The following FHAD1 variants were observed in gnomAD, a reference collection of about 807,000 sequenced individuals.
FHAD1 encodes the protein forkhead associated phosphopeptide binding domain 1.
In FHAD1, 146 loss-of-function variants were observed where a neutral mutation model predicts 191.3. The ratio of observed to expected loss-of-function variants is 0.76; its 90% CI spans 0.67 to 0.88. The LOEUF (loss-of-function observed/expected upper bound fraction) is 0.88, where lower values mean the gene tolerates loss of function less well. Among genes scored for constraint, FHAD1 ranks in the 40% least tolerant of loss-of-function variants. The pLI, the probability that FHAD1 is intolerant of heterozygous loss-of-function variation, is 0.00. For synonymous variants in FHAD1, 616 were observed against 672.3 expected, an observed-to-expected ratio of 0.92 and a Z score of 1.29; for missense variants, 1,635 against 1,785.8, an observed-to-expected ratio of 0.92 and a Z score of 1.52.
rs1264465237 is a variant in FHAD1, at chr1:15,289,588, A to G, written c.490A>G (p.Arg164Gly). Reference sequence around the variant, plus strand: ...CACCGTGGTCCTGCCGGCCTCCCACAGGCGGCCTGTGAGCGCCAACAAGGA... The same window carrying G: ...CACCGTGGTCCTGCCGGCCTCCCACGGGCGGCCTGTGAGCGCCAACAAGGA... Reference protein sequence around the residue: ...RPTVVLPASHRRPVSANKEMF... With the variant: ...RPTVVLPASHGRPVSANKEMF... Residue 164 changes from arginine to glycine, a missense_variant, in exon 4 of 34, where the codon AGG becomes GGG. Physicochemically the swap from Arg to Gly is moderately radical, Grantham distance 125. Coordinates refer to ENST00000688493, the MANE Select transcript of FHAD1 (RefSeq NM_001391957.1). This position sits in a 1 kb window ranked among gnomAD's most constrained non-coding sequence, Gnocchi z 4.2. 1.3e-6 allele frequency: 2 copies of G among 1,551,700 alleles called. No homozygotes were observed. Among genetic ancestry groups the G allele is most frequent in the East Asian group, 2.4e-5 (1 of 40,898 alleles).
At chr1:15,280,979 T>C (rs559521586) in intron 3 of FHAD1, among the ~76,000 whole-genome samples, 1 of 152,360 alleles carries the variant, frequency 6.6e-6, no homozygotes, top group South Asian at 2.1e-4. Flanking sequence ...TTCTTTAAGT[T>C]CTAAAACGTG....
intron 16 of FHAD1, among the ~76,000 whole-genome samples, chr1:15,343,487 C>T (rs1229836159): frequency 8.5e-5 from 13 of 152,050 alleles, no homozygotes; most frequent in Non-Finnish European, 1.9e-4. Flanking sequence ...CTACCACACA[C>T]ACCTGCCCTC....
intron 3 of FHAD1, among the ~76,000 whole-genome samples, chr1:15,286,615 C>G (rs1662524557): frequency 6.6e-6 from 1 of 152,350 alleles, no homozygotes; most frequent in East Asian, 1.9e-4. Context: ...ATTCTGGTGT[C>G]CAGCCTAGTC....
At position 15,352,984 on chromosome 1, in the gene FHAD1, G is replaced by A; in HGVS notation, c.2562G>A (p.Glu854=). 3 of 1,549,340 alleles carry A rather than the reference G, an allele frequency of 1.9e-6. No individual in the cohort carries two copies. Among genetic ancestry groups the A allele is most frequent in the Non-Finnish European group, 2.6e-6 (3 of 1,145,178 alleles). The change falls in exon 20 of 34, where the codon GAG becomes GAA. Residue 854 remains glutamate, a splice_region_variant and synonymous_variant. Coordinates refer to ENST00000688493, the MANE Select transcript of FHAD1 (RefSeq NM_001391957.1). The part of the protein sequence containing the change: ...DLENRLTKQK[E]ELELKEQKED... Reference sequence around the variant, plus strand: ...AGAATCGCTTAACCAAGCAGAAAGAGGTATGAGCCGCAGGGAGGGAGAGAC... The same window carrying A: ...AGAATCGCTTAACCAAGCAGAAAGAAGTATGAGCCGCAGGGAGGGAGAGAC...
chr1:15,354,364 C>T (rs1014229487), intron 20 of FHAD1, among the ~76,000 whole-genome samples: 1 of 152,120 alleles, frequency 6.6e-6, no homozygotes, highest in Non-Finnish European at 1.5e-5. Context: ...GCACGTCAGC[C>T]CTGGACACCA....
At chr1:15,252,088 TGATGC>T (rs1646851088) in intron 2 of FHAD1, among the ~76,000 whole-genome samples, 1 of 152,216 alleles carries the variant, frequency 6.6e-6, no homozygotes, top group African/African-American at 2.4e-5. Context: ...GTACAGAGCA[TGATGC>T]GCTCCCATCC....
At chr1:15,240,138 A>G (rs541731307) in intron 1 of FHAD1, among the ~76,000 whole-genome samples, 2 of 152,298 alleles carry the variant, frequency 1.3e-5, no homozygotes, top group Admixed American at 1.3e-4. Flanking sequence ...CCATCTCTCT[A>G]TTGAGAGTCT....
In FHAD1 at chr1:15,327,383, C is replaced by T. The variant is rs540120241; in HGVS notation, c.1557+241C>T. ...AATCAAATTAAACCATTCGGGCTTA[C>T]TTCTGGTCTCCAGACATGCATGTTT... On this transcript the variant is annotated intron_variant, in intron 12 of 33. Transcript: ENST00000688493. The surrounding 1 kb of genome is among the most constrained non-coding windows in gnomAD (Gnocchi z 5.1). The T allele has an allele frequency of 1.9e-4, 84 of 445,754 alleles. 1 individual carries two copies. The highest frequency in any genetic ancestry group is 1.4e-3 in the African/African-American group (72 of 49,702). 27.6% of individuals were successfully genotyped at this position (445,754 alleles called of 1,614,324 possible).
chr1:15,342,124 G>C (rs1412320856), intron 16 of FHAD1, among the ~76,000 whole-genome samples: 1 of 152,178 alleles, frequency 6.6e-6, no homozygotes, highest in Non-Finnish European at 1.5e-5. Flanking sequence ...TCAGGAAACG[G>C]TGCCTTGTTT....
chr1:15,389,447 C>CAAAAAAAAAAAAAAAAAAAAAA lies in FHAD1; in HGVS notation c.4269+1337_4269+1338insAAAAAAAAAAAAAAAAAAAAAA, dbSNP rs570569622. Among the ~76,000 whole-genome samples the CAAAAAAAAAAAAAAAAAAAAAA allele has an allele frequency of 2.0e-3, 108 of 54,194 alleles. 5 individuals carry two copies. Among genetic ancestry groups the CAAAAAAAAAAAAAAAAAAAAAA allele is most frequent in the Middle Eastern group, 0.013 (1 of 78 alleles). The allele number at this position is 54,194 out of a possible 152,430, so 35.6% of individuals were successfully genotyped here. On this transcript the variant is annotated intron_variant, in intron 32 of 33. Transcript: ENST00000688493. ...TGAGCAACAGAGGAAGAACCTGTCT[C>CAAAAAAAAAAAAAAAAAAAAAA]AAAAAAAAAAAAAAAAAAAAACCTG...
intron 24 of FHAD1, 120 bp downstream of exon 24, chr1:15,366,053 C>G (rs1696334329): frequency 3.1e-6 from 2 of 641,358 alleles, no homozygotes; most frequent in Non-Finnish European, 2.7e-6. Flanking sequence ...TTTGGGAGGC[C>G]AAGGCAGTTG....
chr1:15,295,699 C>T (rs1666719237), intron 4 of FHAD1, among the ~76,000 whole-genome samples: 1 of 152,164 alleles, frequency 6.6e-6, no homozygotes. Flanking sequence ...GTTGACTCCA[C>T]AAATGTGGAA....
At chr1:15,317,760 T>C (rs1323271729) in intron 9 of FHAD1, 64 bp from the exon 10 acceptor site, 1 of 1,154,894 alleles carries the variant, frequency 8.7e-7, no homozygotes, top group African/African-American at 1.5e-5. Flanking sequence ...GGCTCAGACC[T>C]CTCAGCCAAG....
At chr1:15,288,067 AG>A (rs1355193196) in intron 3 of FHAD1, among the ~76,000 whole-genome samples, 1 of 152,140 alleles carries the variant, frequency 6.6e-6, no homozygotes, top group African/African-American at 2.4e-5. Flanking sequence ...TGGGAGACAG[AG>A]GAGGGGAAAG....
At chr1:15,394,047 A>C (rs1490680361) in intron 33 of FHAD1, among the ~76,000 whole-genome samples, 1 of 152,152 alleles carries the variant, frequency 6.6e-6, no homozygotes, top group African/African-American at 2.4e-5. Flanking sequence ...GGGTGTGGCT[A>C]TTTAAATGAC....
At chr1:15,368,666 C>G (rs1454189518) in intron 25 of FHAD1, among the ~76,000 whole-genome samples, 2 of 152,136 alleles carry the variant, frequency 1.3e-5, no homozygotes, top group African/African-American at 4.8e-5. Context: ...TAGACCAGGC[C>G]CAGTGGCTCA....
At chr1:15,335,660 G>A (rs756085415) in intron 14 of FHAD1, among the ~76,000 whole-genome samples, 2 of 152,184 alleles carry the variant, frequency 1.3e-5, no homozygotes, top group Non-Finnish European at 2.9e-5. Context: ...ACATGAAGAC[G>A]CAGTGGCAAA....
intron 10 of FHAD1, among the ~76,000 whole-genome samples, chr1:15,323,490 T>C (rs1490187727): frequency 6.6e-6 from 1 of 152,226 alleles, no homozygotes; most frequent in Non-Finnish European, 1.5e-5. Flanking sequence ...GGCTGCACCC[T>C]GCCACTCAGA....
rs1020299124 is a variant in FHAD1 at position 15,316,308 on chromosome 1, G to GCCCCT, written c.1171-67_1171-63dup. The GCCCCT allele has an allele frequency of 2.4e-6, 3 of 1,256,436 alleles. No homozygotes were observed. The highest frequency in any genetic ancestry group is 3.4e-6 in the Non-Finnish European group (3 of 882,936). The allele number at this position is 1,256,436 out of a possible 1,614,324, so 77.8% of individuals were successfully genotyped here. ...TCAGGGGCTCACATGGGGCCTTGGAGCCCCTCCTTCCCCCGACAACCCTAC... is the reference window on the plus strand; with the variant it reads ...TCAGGGGCTCACATGGGGCCTTGGAGCCCCTCCCCTCCTTCCCCCGACAACCCTAC... On this transcript the variant is annotated intron_variant, in intron 8 of 33. Coordinates refer to ENST00000688493, the MANE Select transcript of FHAD1 (RefSeq NM_001391957.1). The surrounding 1 kb of genome is among the most constrained non-coding windows in gnomAD (Gnocchi z 4.3).
Sources: allele counts gnomAD v4.1 joint callset (sites outside exome capture counted in the v4.1 genomes callset), GRCh38; gene constraint gnomAD v4.1.1; non-coding constraint Gnocchi (gnomAD v3.1); transcripts MANE v1.5; gene names NCBI Gene and HGNC (gene_info 2026-07-23, HGNC 2026-07-21).